The following RARB variants were observed in gnomAD, a reference collection of about 807,000 sequenced individuals.
The protein encoded by RARB is retinoic acid receptor beta, also known as HBV-activated protein.
Under a neutral mutation model 51.9 loss-of-function variants are expected in RARB, and 17 were observed. The observed-to-expected ratio is 0.33, with a 90% CI of 0.22 to 0.49. The LOEUF (loss-of-function observed/expected upper bound fraction) is 0.49. RARB is among the 20% of genes least tolerant of loss of function. RARB has a pLI of 0.99. For missense variants in RARB, 369 were observed against 550.8 expected (o/e 0.67, Z 3.30); for synonymous variants, 215 against 195.4 (o/e 1.10, Z -0.84).
chr3:24,960,414 T>C (rs1470461324), intron 2 of RARB, among the ~76,000 whole-genome samples: 8 of 152,202 alleles, frequency 5.3e-5, no homozygotes, highest in Admixed American at 4.6e-4. Flanking sequence ...ACTGAAAATA[T>C]TTTCTCCCAA....
rs766447495 is a variant in RARB, at chr3:25,338,779, T to G, written c.179-122414T>G. ...TCAGTTTGCACTAATACAACTCTAA[T>G]GGTTATTAAAATACTGAAATATTTG... On this transcript the variant is annotated intron_variant, in intron 5 of 11. Transcript: ENST00000383772. 3.7e-4 allele frequency among the ~76,000 whole-genome samples: 57 copies of G among 152,330 alleles called. 1 individual carries two copies. The highest frequency in any genetic ancestry group is 9.8e-4 in the Admixed American group (15 of 15,290).
chr3:24,895,555 C>T (rs1031497225), intron 2 of RARB, among the ~76,000 whole-genome samples: 16 of 148,058 alleles, frequency 1.1e-4, no homozygotes, highest in East Asian at 1.1e-3. Context: ...GCAAAATTTA[C>T]GCTTTTTTTT....
intron 5 of RARB, among the ~76,000 whole-genome samples, chr3:25,336,084 A>G (rs929612648): frequency 4.6e-5 from 7 of 151,780 alleles, no homozygotes; most frequent in Non-Finnish European, 1.0e-4. Context: ...AAAAAAAAAC[A>G]TTCAAAGCAT....
At chr3:25,236,937 C>G (rs1234612092) in intron 5 of RARB, among the ~76,000 whole-genome samples, 1 of 119,550 alleles carries the variant, frequency 8.4e-6, no homozygotes, top group African/African-American at 3.2e-5. Context: ...TATCATTATT[C>G]TGATAATTCT....
chr3:25,316,522 A>G (rs965627860), intron 5 of RARB, among the ~76,000 whole-genome samples: 1 of 152,200 alleles, frequency 6.6e-6, no homozygotes, highest in African/African-American at 2.4e-5. Context: ...TATAATTCAG[A>G]TATATCTATA....
intron 5 of RARB, among the ~76,000 whole-genome samples, chr3:25,289,055 A>G (rs940212595): frequency 1.3e-5 from 2 of 152,238 alleles, no homozygotes; most frequent in Non-Finnish European, 2.9e-5. Flanking sequence ...CATAATGTCA[A>G]AGGGCATGCA....
chr3:25,200,293 T>C (rs1421400478), intron 5 of RARB, among the ~76,000 whole-genome samples: 1 of 150,338 alleles, frequency 6.7e-6, no homozygotes, highest in Non-Finnish European at 1.5e-5. Flanking sequence ...TGGTGGGTTT[T>C]TTTTTTTCTT....
chr3:25,242,345 A>G (rs1286987104), intron 5 of RARB, among the ~76,000 whole-genome samples: 2 of 152,094 alleles, frequency 1.3e-5, no homozygotes, highest in Admixed American at 6.5e-5. Context: ...TTTTGTTGAC[A>G]TTGCTTTTGG....
chr3:24,980,933 C>A (rs546418662), intron 2 of RARB, among the ~76,000 whole-genome samples: 1 of 152,132 alleles, frequency 6.6e-6, no homozygotes, highest in Non-Finnish European at 1.5e-5. Context: ...TGTTGGTGAC[C>A]TGCAGATGGG....
rs553051210 is a variant in RARB, at chr3:24,967,049, C to T, written c.-379-93076C>T. The stretch of plus-strand genomic sequence containing the variant: ...TATTTACTTTGTGTAGTTTTATTTA[C>T]TGATTTGAATTAGATACATATACTT... On this transcript the variant is annotated intron_variant, in intron 2 of 11. Transcript: ENST00000383772. Among the ~76,000 whole-genome samples, 14 of 152,234 alleles carry T rather than the reference C, an allele frequency of 9.2e-5. No individual in the cohort carries two copies. In the East Asian group the frequency reaches 2.7e-3, roughly 29 times the overall value.
chr3:25,569,726 G>T, intron 3 of RARB, 32 bp from the exon 4 acceptor site: 2 of 1,599,682 alleles, frequency 1.3e-6, no homozygotes, highest in South Asian at 2.3e-5. Flanking sequence ...AGCCTTCAGC[G>T]ACCCCTGATG....
chr3:24,991,890 G>A (rs890328646), intron 2 of RARB, among the ~76,000 whole-genome samples: 4 of 151,528 alleles, frequency 2.6e-5, no homozygotes, highest in African/African-American at 9.7e-5. Context: ...ATCTCCCCCT[G>A]CCCCCAGCAT....
At chr3:25,582,574 G>A (rs140057778) in intron 5 of RARB, among the ~76,000 whole-genome samples, 65 of 152,078 alleles carry the variant, frequency 4.3e-4, no homozygotes, top group Non-Finnish European at 5.4e-4. Flanking sequence ...GAGATCCTCC[G>A]GGAAAGTGTC....
intron 5 of RARB, among the ~76,000 whole-genome samples, chr3:25,226,318 A>C (rs976959475): frequency 2.0e-5 from 3 of 152,198 alleles, no homozygotes; most frequent in African/African-American, 7.2e-5. Flanking sequence ...CTAGATTACA[A>C]TTACTTTAAA....
chr3:25,010,703 T>C (rs763505843), intron 2 of RARB, among the ~76,000 whole-genome samples: 1 of 152,124 alleles, frequency 6.6e-6, no homozygotes, highest in Non-Finnish European at 1.5e-5. Context: ...AGCAAGGTGA[T>C]GCTTAGGAAG....
intron 2 of RARB, among the ~76,000 whole-genome samples, chr3:24,980,764 G>A (rs1003671563): frequency 6.6e-6 from 1 of 152,136 alleles, no homozygotes; most frequent in African/African-American, 2.4e-5. Context: ...GCCTACTTCT[G>A]TCAACTCGTC....
rs114792682 is a variant in RARB, at chr3:25,489,802, G to A, written c.307-11380G>A. 2.7e-3 allele frequency among the ~76,000 whole-genome samples: 418 copies of A among 152,342 alleles called. 4 individuals are homozygous for A. The highest frequency in any genetic ancestry group is 9.6e-3 in the African/African-American group (399 of 41,592). On this transcript the variant is annotated intron_variant, in intron 2 of 7. Coordinates refer to ENST00000330688, the MANE Select transcript of RARB (RefSeq NM_000965.5). ...AGAGAAAACACTCTAGGTTTGGGGGGCCTGGGTAAGTATGACTGGACAAAG... is the reference window on the plus strand; with the variant it reads ...AGAGAAAACACTCTAGGTTTGGGGGACCTGGGTAAGTATGACTGGACAAAG...
At chr3:25,180,847 G>T (rs958018701) in intron 5 of RARB, among the ~76,000 whole-genome samples, 7 of 152,092 alleles carry the variant, frequency 4.6e-5, no homozygotes, top group African/African-American at 1.7e-4. Flanking sequence ...CAAAAACTTG[G>T]GGCTCCCAGA....
chr3:25,120,350 C>T (rs1699762761), intron 3 of RARB, among the ~76,000 whole-genome samples: 1 of 152,006 alleles, frequency 6.6e-6, no homozygotes, highest in South Asian at 2.1e-4. Flanking sequence ...TGACTTGTTA[C>T]CATAAGGGAA....
Sources: allele counts gnomAD v4.1 joint callset (sites outside exome capture counted in the v4.1 genomes callset), GRCh38; gene constraint gnomAD v4.1.1; transcripts MANE v1.5; gene names NCBI Gene and HGNC (gene_info 2026-07-23, HGNC 2026-07-21).